Variants in PILRA observed in about 807,000 individuals in gnomAD.
PILRA encodes paired immunoglobulin-like type 2 receptor alpha.
In PILRA, 37 loss-of-function variants were observed where a neutral mutation model predicts 33.1. That is an observed-to-expected ratio of 1.12 (90% CI 0.86 to 1.47). The LOEUF is 1.47. PILRA is among the 40% of genes most tolerant of loss of function. The pLI is 0.00. For synonymous variants in PILRA, 146 were observed against 149.9 expected (o/e 0.97, Z 0.19); for missense variants, 312 against 376.2 (o/e 0.83, Z 1.41).
chr7:100,394,388 C>T (rs1316935556), intron 3 of PILRA, among the ~76,000 whole-genome samples: 1 of 151,816 alleles, frequency 6.6e-6, no homozygotes, highest in Non-Finnish European at 1.5e-5. Context: ...AAAACAGAAA[C>T]AAAACAAACT....
rs1790883494 is a variant in PILRA, at chr7:100,374,041, T to C, written c.65-3T>C. 1.2e-5 allele frequency: 19 copies of C among 1,613,248 alleles called. No individual in the cohort carries two copies. The highest frequency in any genetic ancestry group is 1.4e-5 in the Non-Finnish European group (17 of 1,179,426). ...TCCCCTACTCACTCCCTCCCTCCTC[T>C]AGGTGGCTCCACAGGATCTGGTCCA... is the stretch of plus-strand genomic sequence containing the variant. On this transcript the variant is annotated splice_polypyrimidine_tract_variant and splice_region_variant and intron_variant, in intron 1 of 6. Transcript: ENST00000198536.
intron 4 of PILRA, among the ~76,000 whole-genome samples, chr7:100,398,918 G>A (rs1315633723): frequency 2.0e-5 from 3 of 151,472 alleles, no homozygotes; most frequent in African/African-American, 7.3e-5. Context: ...CCCCTAACAC[G>A]TGTCATAACT....
At chr7:100,376,879 A>T (rs1468185278) in intron 2 of PILRA, among the ~76,000 whole-genome samples, 2 of 147,302 alleles carry the variant, frequency 1.4e-5, no homozygotes, top group African/African-American at 5.1e-5. Flanking sequence ...CTCTTGCCTC[A>T]GCCTCCCAAA....
intron 3 of PILRA, among the ~76,000 whole-genome samples, chr7:100,395,220 A>G (rs557157760): frequency 3.3e-5 from 5 of 152,292 alleles, no homozygotes; most frequent in African/African-American, 1.2e-4. Context: ...CAAATCATGT[A>G]TTGGAAACTT....
chr7:100,381,721 G>A (rs890637705), intron 2 of PILRA, among the ~76,000 whole-genome samples: 7 of 152,200 alleles, frequency 4.6e-5, no homozygotes, highest in African/African-American at 1.7e-4. Flanking sequence ...TTGCAGGCAG[G>A]TGTGGAGGGA....
intron 2 of PILRA, among the ~76,000 whole-genome samples, chr7:100,387,367 C>G (rs371407248): frequency 6.6e-6 from 1 of 152,280 alleles, no homozygotes. Flanking sequence ...GCACCCGCCA[C>G]CACACCCAGC....
chr7:100,382,173 A>G (rs192736773), intron 2 of PILRA, among the ~76,000 whole-genome samples: 4 of 152,306 alleles, frequency 2.6e-5, no homozygotes, highest in Admixed American at 1.3e-4. Context: ...TGGGGATCCA[A>G]TGGGTGAAGC....
At chr7:100,373,801 G>A (rs1205090553) in intron 1 of PILRA, 81 bp downstream of exon 1, 1 of 1,562,444 alleles carries the variant, frequency 6.4e-7, no homozygotes, top group Non-Finnish European at 8.8e-7. Context: ...GGGACATCTT[G>A]GGGAGGGCCC....
chr7:100,386,089 C>A (rs1791246942), intron 2 of PILRA, among the ~76,000 whole-genome samples: 1 of 151,956 alleles, frequency 6.6e-6, no homozygotes. Flanking sequence ...GTCACCATGC[C>A]CACCTAATTT....
Position 100,397,925 on chromosome 7 carries a change from C to T in PILRA, c.707+13C>T, listed in dbSNP as rs777713359. The T allele has an allele frequency of 6.2e-7, 1 of 1,613,208 alleles. No homozygotes were observed. Among genetic ancestry groups the T allele is most frequent in the Admixed American group, 1.7e-5 (1 of 60,002 alleles). On this transcript the variant is annotated intron_variant, in intron 4 of 6. Transcript: ENST00000198536. Reference sequence around the variant, plus strand: ...CAACCCCAGCCAGGTGAGTGCTGGGCCTCCCCAGGGTGGGTTGGGGGGTGC... The same window carrying T: ...CAACCCCAGCCAGGTGAGTGCTGGGTCTCCCCAGGGTGGGTTGGGGGGTGC...
chr7:100,374,336 C>A lies in PILRA; in HGVS notation c.357C>A (p.Asp119Glu). 6.2e-7 allele frequency: 1 copy of A among 1,614,066 alleles called. No individual in the cohort carries two copies. Among genetic ancestry groups the A allele is most frequent in the Admixed American group, 1.7e-5 (1 of 60,008 alleles). ...GGATCTCCAACCTGCAGAAGCAGGA[C>A]CAGTCTGTGTATTTCTGCCGAGTTG... is the stretch of plus-strand genomic sequence containing the variant. ...FLRISNLQKQ[D>E]QSVYFCRVEL... Residue 119 changes from aspartate (D) to glutamate (E), a missense_variant, in exon 2 of 7, where the codon GAC becomes GAA. By Grantham distance (45) the Asp-to-Glu change is conservative. Coordinates refer to ENST00000198536, the MANE Select transcript of PILRA (RefSeq NM_013439.3).
rs756135429 is a variant in PILRA, at chr7:100,374,026, ACTCC to A, written c.65-9_65-6del. 1.1e-5 allele frequency: 17 copies of A among 1,606,428 alleles called. No individual in the cohort carries two copies. The highest frequency in any genetic ancestry group is 6.8e-5 in the African/African-American group (5 of 73,324). On this transcript the variant is annotated splice_polypyrimidine_tract_variant and intron_variant, in intron 1 of 6. Coordinates refer to ENST00000198536, the MANE Select transcript of PILRA (RefSeq NM_013439.3). ...TGGTTTCAAGGTCTCTCCCCTACTC[ACTCC>A]CTCCCTCCTCTAGGTGGCTCCACAG... is the stretch of plus-strand genomic sequence containing the variant.
At chr7:100,395,217 T>G (rs1791470853) in intron 3 of PILRA, among the ~76,000 whole-genome samples, 1 of 152,202 alleles carries the variant, frequency 6.6e-6, no homozygotes, top group Non-Finnish European at 1.5e-5. Context: ...CCTCAAATCA[T>G]GTATTGGAAA....
intron 2 of PILRA, among the ~76,000 whole-genome samples, chr7:100,376,850 C>T (rs1414397006): frequency 6.7e-6 from 1 of 149,788 alleles, no homozygotes; most frequent in Non-Finnish European, 1.5e-5. Flanking sequence ...CAGTGTCGAC[C>T]TCCCAGGCTC....
intron 2 of PILRA, among the ~76,000 whole-genome samples, chr7:100,385,937 T>A (rs1182276578): frequency 6.6e-6 from 1 of 151,028 alleles, no homozygotes; most frequent in East Asian, 1.9e-4. Context: ...CCTATGTCTT[T>A]TTTTTTTTTT....
At chr7:100,385,115 A>G (rs1015972521) in intron 2 of PILRA, among the ~76,000 whole-genome samples, 2 of 152,256 alleles carry the variant, frequency 1.3e-5, no homozygotes, top group African/African-American at 4.8e-5. Context: ...ATCTAAAACA[A>G]GCAAATCAAG....
At chr7:100,391,178 AATAATAATTATTATTATTATTATT>A (rs1444803751) in intron 3 of PILRA, among the ~76,000 whole-genome samples, 2 of 143,420 alleles carry the variant, frequency 1.4e-5, no homozygotes, top group Non-Finnish European at 3.0e-5. Flanking sequence ...TAATAATAAT[AATAATAATTATTATTATTATTATT>A]ATTATTAGCT....
intron 3 of PILRA, among the ~76,000 whole-genome samples, chr7:100,391,398 C>T (rs1022638727): frequency 2.0e-5 from 3 of 151,902 alleles, no homozygotes; most frequent in Non-Finnish European, 4.4e-5. Flanking sequence ...ATAAATGACA[C>T]TTGGTTGGTT....
intron 3 of PILRA, among the ~76,000 whole-genome samples, chr7:100,391,336 C>T (rs959862627): frequency 4.2e-4 from 63 of 151,390 alleles, no homozygotes; most frequent in African/African-American, 1.5e-3. Flanking sequence ...GCCTGGGAGA[C>T]GGAGCAAACT....
Sources: allele counts gnomAD v4.1 joint callset (sites outside exome capture counted in the v4.1 genomes callset), GRCh38; gene constraint gnomAD v4.1.1; transcripts MANE v1.5; gene names NCBI Gene and HGNC (gene_info 2026-07-23, HGNC 2026-07-21).